The following FRMD5 variants were observed in gnomAD, a reference collection of about 807,000 sequenced individuals.
The protein encoded by FRMD5 is FERM domain containing 5, also known as FERM domain-containing protein 5.
FRMD5 carries 20 observed loss-of-function variants against 69.0 expected under a neutral mutation model. The ratio of observed to expected loss-of-function variants is 0.29; its 90% confidence interval spans 0.20 to 0.42. The LOEUF (loss-of-function observed/expected upper bound fraction) is 0.42, where lower values mean the gene tolerates loss of function less well. Among genes scored for constraint, FRMD5 ranks in the 10% least tolerant of loss-of-function variants. The pLI is 1.00. For missense variants in FRMD5, 595 were observed against 708.6 expected (o/e 0.84, Z 1.82); for synonymous variants, 271 against 260.1 (o/e 1.04, Z -0.40).
chr15:44,191,024 T>C (rs927431359), intron 1 of FRMD5, among the ~76,000 whole-genome samples: 1 of 152,206 alleles, frequency 6.6e-6, no homozygotes, highest in African/African-American at 2.4e-5. Flanking sequence ...ATATTGGTTA[T>C]ACTATGGAAA....
chr15:43,928,696 T>G (rs898070253), intron 1 of FRMD5, among the ~76,000 whole-genome samples: 1 of 152,262 alleles, frequency 6.6e-6, no homozygotes, highest in Non-Finnish European at 1.5e-5. Context: ...TCTTTTCTTT[T>G]GATGAGATGG....
intron 1 of FRMD5, among the ~76,000 whole-genome samples, chr15:44,171,837 CACTGTA>C (rs1469598759): frequency 2.0e-5 from 3 of 152,196 alleles, no homozygotes; most frequent in Non-Finnish European, 4.4e-5. Context: ...GATCTAGGCT[CACTGTA>C]ACTTCTGTCT....
chr15:43,996,156 A>AC (rs1226288411), intron 1 of FRMD5, among the ~76,000 whole-genome samples: 7 of 151,424 alleles, frequency 4.6e-5, no homozygotes, highest in Non-Finnish European at 8.9e-5. Context: ...GGGCCTGCAG[A>AC]CTAGGTCTGC....
chr15:44,128,897 G>T (rs768992013), intron 1 of FRMD5, among the ~76,000 whole-genome samples: 2 of 152,170 alleles, frequency 1.3e-5, no homozygotes, highest in Non-Finnish European at 2.9e-5. Flanking sequence ...CTAAGCATGA[G>T]TGGGGAGAGA....
At chr15:44,031,051 G>A (rs1407323309) in intron 1 of FRMD5, among the ~76,000 whole-genome samples, 1 of 152,086 alleles carries the variant, frequency 6.6e-6, no homozygotes, top group Non-Finnish European at 1.5e-5. Flanking sequence ...AAAAGCTCTG[G>A]CCAAGTGACT....
rs1326874793 is a variant in FRMD5, at chr15:43,876,044, C to T, written c.1136-1582G>A. On this transcript the variant is annotated intron_variant, in intron 13 of 13. Transcript: ENST00000417257. ...CTTTATCTTCACTATATTGTGTGGC[C>T]ACTTCATTGAATCTCATCCCAGACT... is the stretch of plus-strand genomic sequence containing the variant. 4 of 1,196,050 alleles carry T rather than the reference C, an allele frequency of 3.3e-6. No individual in the cohort carries two copies. The African/African-American group carries it at 4.5e-5, about 13-fold the overall frequency. The allele number at this position is 1,196,050 out of a possible 1,614,324, so 74.1% of individuals were successfully genotyped here.
At chr15:44,072,352 T>C (rs757022199) in intron 1 of FRMD5, among the ~76,000 whole-genome samples, 11 of 152,166 alleles carry the variant, frequency 7.2e-5, no homozygotes, top group Non-Finnish European at 1.6e-4. Flanking sequence ...AACTGCCTGA[T>C]AGAAAAGAAC....
intron 1 of FRMD5, among the ~76,000 whole-genome samples, chr15:43,957,579 G>A (rs934324603): frequency 1.3e-5 from 2 of 152,202 alleles, no homozygotes; most frequent in African/African-American, 4.8e-5. Context: ...CTAATCTTTG[G>A]TTCTCTCCAC....
At chr15:44,017,508 A>G (rs929553063) in intron 1 of FRMD5, among the ~76,000 whole-genome samples, 2 of 152,104 alleles carry the variant, frequency 1.3e-5, no homozygotes, top group African/African-American at 4.8e-5. Flanking sequence ...ATTAGTCACT[A>G]TGGATTTTAA....
At chr15:44,092,180 G>A (rs1566941650) in intron 1 of FRMD5, among the ~76,000 whole-genome samples, 1 of 151,996 alleles carries the variant, frequency 6.6e-6, no homozygotes, top group Non-Finnish European at 1.5e-5. Context: ...TGATTGAAAG[G>A]GTCTCTGCCT....
In FRMD5 at chr15:44,194,774, C is replaced by T. The variant is rs1282861407; in HGVS notation, c.102+179G>A. On this transcript the variant is annotated intron_variant, in intron 1 of 13. Coordinates refer to ENST00000417257, the MANE Select transcript of FRMD5 (RefSeq NM_032892.5). ...GGCGGTGACACACCGGGTGCCAGGG[C>T]TCCGGCAGGGGCTCCGGTGAAGACG... 8 of 689,564 alleles carry T rather than the reference C, an allele frequency of 1.2e-5. No homozygotes were observed. In the Admixed American group the frequency reaches 1.7e-4, roughly 14 times the overall value. The allele number at this position is 689,564 out of a possible 1,614,324, so 42.7% of individuals were successfully genotyped here.
intron 1 of FRMD5, among the ~76,000 whole-genome samples, chr15:44,025,480 ATATCT>A (rs1419964589): frequency 4.1e-4 from 62 of 152,322 alleles, no homozygotes; most frequent in African/African-American, 1.3e-3. Flanking sequence ...ATTATATCTA[ATATCT>A]TATACATCTA....
rs144463454 is a variant in FRMD5, at chr15:43,998,519, A to G, written c.103-74210T>C. ...ACTGATCAGAGGCAATGCATATGTG[A>G]TCCAACACTCCACAGAGAGGGTGTC... On this transcript the variant is annotated intron_variant, in intron 1 of 13. Coordinates refer to ENST00000417257, the MANE Select transcript of FRMD5 (RefSeq NM_032892.5). Among the ~76,000 whole-genome samples the G allele has an allele frequency of 2.0e-3, 311 of 152,282 alleles. 1 individual carries two copies. Among genetic ancestry groups the G allele is most frequent in the African/African-American group, 7.1e-3 (294 of 41,560 alleles).
chr15:43,903,750 G>C (rs947664870), intron 6 of FRMD5, among the ~76,000 whole-genome samples: 1 of 152,144 alleles, frequency 6.6e-6, no homozygotes, highest in Non-Finnish European at 1.5e-5. Flanking sequence ...TTTACCCTTG[G>C]AGTTGGCCCA....
rs2090221859 is a variant in FRMD5 at position 43,962,664 on chromosome 15, G to A, written c.103-38355C>T. Among the ~76,000 whole-genome samples the A allele has an allele frequency of 3.3e-5, 5 of 152,124 alleles. No homozygotes were observed. In the South Asian group the frequency reaches 1.0e-3, roughly 32 times the overall value. On this transcript the variant is annotated intron_variant, in intron 1 of 13. Transcript: ENST00000417257. ...TACCTGACTTCAAACTATACTACAAGGCTACAGTAACAAAATCAGCATGGT... is the reference window on the plus strand; with the variant it reads ...TACCTGACTTCAAACTATACTACAAAGCTACAGTAACAAAATCAGCATGGT...
chr15:44,002,888 C>A (rs549167209), intron 1 of FRMD5, among the ~76,000 whole-genome samples: 5 of 152,120 alleles, frequency 3.3e-5, no homozygotes, highest in African/African-American at 9.7e-5. Flanking sequence ...TAGTCTCCCC[C>A]CTTTCCATAC....
chr15:43,976,118 A>G (rs1464518442), intron 1 of FRMD5, among the ~76,000 whole-genome samples: 1 of 150,888 alleles, frequency 6.6e-6, no homozygotes, highest in African/African-American at 2.5e-5. Flanking sequence ...CATATATTAA[A>G]AAAAAAAAAA....
intron 1 of FRMD5, among the ~76,000 whole-genome samples, chr15:44,054,788 C>T (rs1209317611): frequency 3.9e-5 from 6 of 151,950 alleles, no homozygotes; most frequent in South Asian, 2.1e-4. Context: ...AAGAGTGGAG[C>T]TGGCTGGGCG....
At chr15:44,139,205 T>C (rs1325202885) in intron 1 of FRMD5, among the ~76,000 whole-genome samples, 2 of 151,962 alleles carry the variant, frequency 1.3e-5, no homozygotes, top group Non-Finnish European at 2.9e-5. Context: ...CTTTTAAATT[T>C]TGATAGAAAT....
Sources: allele counts gnomAD v4.1 joint callset (sites outside exome capture counted in the v4.1 genomes callset), GRCh38; gene constraint gnomAD v4.1.1; transcripts MANE v1.5; gene names NCBI Gene and HGNC (gene_info 2026-07-23, HGNC 2026-07-21).